The following CDH10 variants were observed in gnomAD, a reference collection of about 807,000 sequenced individuals.
CDH10 encodes cadherin 10, also known as cadherin-10.
A neutral mutation model predicts 73.1 loss-of-function variants in CDH10; 30 were observed. The observed-to-expected ratio is 0.41, with a 90% CI of 0.31 to 0.56. The LOEUF (loss-of-function observed/expected upper bound fraction) is 0.56. Ranked by LOEUF, CDH10 falls within the 20% of genes least tolerant of loss-of-function variation. CDH10 has a pLI of 0.27. For missense variants in CDH10, 815 were observed against 973.7 expected (o/e 0.84, Z 2.17); for synonymous variants, 345 against 348.2 (o/e 0.99, Z 0.10).
chr5:24,520,267 C>CAT (rs1206740190), intron 5 of CDH10, among the ~76,000 whole-genome samples: 1 of 152,070 alleles, frequency 6.6e-6, no homozygotes, highest in Non-Finnish European at 1.5e-5. Flanking sequence ...ATTGTATAAT[C>CAT]ACACATCTCA....
chr5:24,633,177 T>C (rs376664064), intron 1 of CDH10, among the ~76,000 whole-genome samples: 13 of 151,842 alleles, frequency 8.6e-5, no homozygotes, highest in African/African-American at 3.1e-4. Flanking sequence ...CTTAAATACC[T>C]AGGTCAATGC....
intron 1 of CDH10, among the ~76,000 whole-genome samples, chr5:24,600,095 C>A (rs192192444): frequency 6.6e-6 from 1 of 152,244 alleles, no homozygotes; most frequent in Admixed American, 6.5e-5. Flanking sequence ...ATTGTACTTA[C>A]ATTGTAGTTT....
chr5:24,629,132 C>G (rs188063236), intron 1 of CDH10, among the ~76,000 whole-genome samples: 173 of 152,166 alleles, frequency 1.1e-3, no homozygotes, highest in African/African-American at 3.9e-3. Context: ...TAACAAAAAT[C>G]AAATAATTTG....
At chr5:24,496,875 G>A (rs1742310460) in intron 9 of CDH10, among the ~76,000 whole-genome samples, 1 of 152,090 alleles carries the variant, frequency 6.6e-6, no homozygotes, top group Non-Finnish European at 1.5e-5. Context: ...TTTAACCGAG[G>A]CATTTTTCAG....
chr5:24,523,499 A>G (rs1743415148), intron 5 of CDH10, among the ~76,000 whole-genome samples: 1 of 152,180 alleles, frequency 6.6e-6, no homozygotes, highest in Admixed American at 6.5e-5. Context: ...AGACAAAACA[A>G]AAGAAAAAAA....
chr5:24,516,464 T>G (rs754644279), intron 5 of CDH10, among the ~76,000 whole-genome samples: 15 of 126,780 alleles, frequency 1.2e-4, no homozygotes, highest in African/African-American at 3.7e-4. Context: ...CATTTACTAA[T>G]AGTGATTTTC....
intron 2 of CDH10, among the ~76,000 whole-genome samples, chr5:24,575,053 A>C (rs963595124): frequency 1.3e-5 from 2 of 152,060 alleles, no homozygotes; most frequent in Non-Finnish European, 2.9e-5. Context: ...GGTTAATTTC[A>C]CATTCAAAAT....
At chr5:24,576,518 A>G (rs530690687) in intron 2 of CDH10, among the ~76,000 whole-genome samples, 106 of 152,148 alleles carry the variant, frequency 7.0e-4, no homozygotes, top group Admixed American at 1.6e-3. Context: ...AGTGCTCAAA[A>G]TAAGAAAGTA....
chr5:24,633,067 CAATT>C (rs1004942764), intron 1 of CDH10, among the ~76,000 whole-genome samples: 1 of 151,324 alleles, frequency 6.6e-6, no homozygotes, highest in Non-Finnish European at 1.5e-5. Context: ...TATACAAAGA[CAATT>C]TATTTTGATC....
intron 2 of CDH10, among the ~76,000 whole-genome samples, chr5:24,589,322 G>GT (rs1406700557): frequency 6.6e-6 from 1 of 152,070 alleles, no homozygotes; most frequent in East Asian, 1.9e-4. Context: ...AACAGTAATG[G>GT]TAACTCTGAA....
intron 7 of CDH10, 29 bp downstream of exon 7, chr5:24,509,537 C>T (rs1201849113): frequency 4.3e-6 from 7 of 1,609,502 alleles, no homozygotes; most frequent in Non-Finnish European, 5.1e-6. Flanking sequence ...CCGAGCCCGG[C>T]TGTTTTCATT....
intron 2 of CDH10, among the ~76,000 whole-genome samples, chr5:24,577,306 G>A (rs1170092228): frequency 3.9e-5 from 6 of 152,188 alleles, no homozygotes; most frequent in African/African-American, 1.4e-4. Context: ...GATCGCAAGA[G>A]GGGAAGTGAG....
In CDH10 at chr5:24,586,665, G is replaced by A. The variant is rs140671992; in HGVS notation, c.231+6595C>T. 3.8e-3 allele frequency among the ~76,000 whole-genome samples: 577 copies of A among 151,228 alleles called. 1 individual carries two copies. The highest frequency in any genetic ancestry group is 0.017 in the Middle Eastern group (5 of 290). On this transcript the variant is annotated intron_variant, in intron 2 of 11. Coordinates refer to ENST00000264463, the MANE Select transcript of CDH10 (RefSeq NM_006727.5). The stretch of plus-strand genomic sequence containing the variant: ...TCGCCATGTTGGTCAGGCTGGTCTC[G>A]AACTCCTGACCTCAGGTGATCCACC...
chr5:24,487,638 G>C lies in CDH10; in HGVS notation c.*25C>G, dbSNP rs754371444. 8 of 1,580,286 alleles carry C rather than the reference G, an allele frequency of 5.1e-6. No individual in the cohort carries two copies. Among genetic ancestry groups the C allele is most frequent in the Non-Finnish European group, 6.9e-6 (8 of 1,161,714 alleles). On this transcript the variant is annotated 3_prime_UTR_variant, in exon 12 of 12. Transcript: ENST00000264463. ...AGCATGGGTAGAGTTACTTTCTCTTGTTTGAACAGAACATATATCCTACGT... is the reference window on the plus strand; with the variant it reads ...AGCATGGGTAGAGTTACTTTCTCTTCTTTGAACAGAACATATATCCTACGT...
intron 3 of CDH10, among the ~76,000 whole-genome samples, chr5:24,536,695 G>T (rs1345258187): frequency 6.6e-6 from 1 of 151,874 alleles, no homozygotes; most frequent in African/African-American, 2.4e-5. Context: ...ATTGAAAAGA[G>T]AAATTCTACT....
intron 2 of CDH10, among the ~76,000 whole-genome samples, chr5:24,557,588 AT>A (rs1487441584): frequency 6.6e-6 from 1 of 151,830 alleles, no homozygotes; most frequent in Non-Finnish European, 1.5e-5. Flanking sequence ...GTTTGCTTGC[AT>A]CCTTTAGTCT....
Position 24,537,619 on chromosome 5 carries a change from T to C in CDH10, c.287A>G (p.Asp96Gly), listed in dbSNP as rs1358640668. 2.5e-6 allele frequency: 4 copies of C among 1,605,516 alleles called. No homozygotes were observed. Among genetic ancestry groups the C allele is most frequent in the Non-Finnish European group, 3.4e-6 (4 of 1,172,646 alleles). ...DGSLKYILSG[D>G]GAGTLFIIDE... ...AATAATAAAAAGAGTACCAGCTCCA[T>C]CTCCAGATAAGATATATTTGAGTGA... The change falls in exon 3 of 12, where the codon GAT becomes GGT. Residue 96 changes from aspartate (D) to glycine (G), a missense_variant. Asp to Gly is a moderately conservative substitution (Grantham distance 94). Coordinates refer to ENST00000264463, the MANE Select transcript of CDH10 (RefSeq NM_006727.5).
chr5:24,525,366 C>G (rs1250746186), intron 5 of CDH10, among the ~76,000 whole-genome samples: 2 of 152,024 alleles, frequency 1.3e-5, no homozygotes, highest in East Asian at 1.9e-4. Flanking sequence ...AATAATTTAA[C>G]TTTAGCTTAA....
At chr5:24,621,218 G>A (rs1747306917) in intron 1 of CDH10, among the ~76,000 whole-genome samples, 1 of 152,062 alleles carries the variant, frequency 6.6e-6, no homozygotes, top group Non-Finnish European at 1.5e-5. Flanking sequence ...TGTGCACAAG[G>A]AGTCCCAAAG....
Sources: gnomAD v4.1 joint callset for allele counts (sites outside exome capture counted in the v4.1 genomes callset) on GRCh38, gnomAD v4.1.1 for gene constraint, MANE v1.5 for transcripts, NCBI Gene and HGNC (gene_info 2026-07-23, HGNC 2026-07-21) for gene names.